Variants in HCN1 observed in about 807,000 individuals in gnomAD.
HCN1 encodes the protein potassium/sodium hyperpolarization-activated cyclic nucleotide-gated channel 1.
In HCN1, 13 loss-of-function variants were observed where a neutral mutation model predicts 78.9. The ratio of observed to expected loss-of-function variants is 0.16; its 90% CI spans 0.11 to 0.26. The LOEUF (loss-of-function observed/expected upper bound fraction) is 0.26. HCN1 is among the 10% of genes least tolerant of loss of function. The pLI is 1.00. For synonymous variants in HCN1, 552 were observed against 455.5 expected (o/e 1.21, Z -2.70); for missense variants, 810 against 1,154.3 (o/e 0.70, Z 4.32).
intron 2 of HCN1, among the ~76,000 whole-genome samples, chr5:45,590,650 C>T (rs555882535): frequency 1.3e-5 from 2 of 152,250 alleles, no homozygotes; most frequent in South Asian, 4.1e-4. Context: ...CCCTCCCTCC[C>T]ACAAACCTGT....
intron 6 of HCN1, among the ~76,000 whole-genome samples, chr5:45,287,702 C>T (rs1206306477): frequency 6.6e-6 from 1 of 151,918 alleles, no homozygotes; most frequent in African/African-American, 2.4e-5. Flanking sequence ...ACTTCCCCAC[C>T]ATCAGACACA....
intron 2 of HCN1, among the ~76,000 whole-genome samples, chr5:45,585,420 GC>G (rs1744192062): frequency 6.6e-6 from 1 of 152,044 alleles, no homozygotes; most frequent in African/African-American, 2.4e-5. Flanking sequence ...ATTCTAGTTA[GC>G]CATTCGTCTA....
chr5:45,321,611 T>G (rs1235786685), intron 5 of HCN1, among the ~76,000 whole-genome samples: 1 of 150,208 alleles, frequency 6.7e-6, no homozygotes. Flanking sequence ...ATTTTGCCCA[T>G]TGGAGACTAA....
At chr5:45,570,788 T>C (rs1210131367) in intron 2 of HCN1, among the ~76,000 whole-genome samples, 1 of 152,130 alleles carries the variant, frequency 6.6e-6, no homozygotes, top group Non-Finnish European at 1.5e-5. Flanking sequence ...AATTCCTTAT[T>C]ATTACCCTCA....
chr5:45,569,664 C>A (rs1409247751), intron 2 of HCN1, among the ~76,000 whole-genome samples: 2 of 151,968 alleles, frequency 1.3e-5, no homozygotes, highest in Admixed American at 6.6e-5. Context: ...TATTCCCAGT[C>A]TTTATCTGTT....
Position 45,695,934 on chromosome 5 carries a change from C to G in HCN1, c.160G>C (p.Gly54Arg), listed in dbSNP as rs1245405853. 77 of 1,420,712 alleles carry G rather than the reference C, an allele frequency of 5.4e-5. No homozygotes were observed. The highest frequency in any genetic ancestry group is 6.9e-5 in the Non-Finnish European group (76 of 1,096,770). The allele number at this position is 1,420,712 out of a possible 1,614,324, so 88.0% of individuals were successfully genotyped here. A position where few individuals can be genotyped will look rare whatever the true frequency, so the allele number is the denominator to read the frequency against. Residue 54 changes from glycine (G) to arginine (R), a missense_variant, in exon 1 of 8, where the codon GGC becomes CGC. Gly to Arg is a moderately radical substitution (Grantham distance 125, BLOSUM62 -2). Around this residue, in one of 6 missense-constraint regions of HCN1, gnomAD observed 170 missense variants for 166.8 expected, o/e 1.02. Coordinates refer to ENST00000303230, the MANE Select transcript of HCN1 (RefSeq NM_021072.4). ...GGGGAGAKEH[G>R]NSVCFKVDGG... ...TCCACCTTGAAGCACACGGAGTTGCCGTGCTCCTTCGCGCCGGCCCCGCCG... is the reference window on the plus strand; with the variant it reads ...TCCACCTTGAAGCACACGGAGTTGCGGTGCTCCTTCGCGCCGGCCCCGCCG...
At chr5:45,506,486 C>CTCT (rs1384344834) in intron 2 of HCN1, among the ~76,000 whole-genome samples, 9 of 152,068 alleles carry the variant, frequency 5.9e-5, no homozygotes, top group Non-Finnish European at 1.0e-4. Flanking sequence ...ATGTCTGTAC[C>CTCT]TCTGTTTTCT....
At chr5:45,341,233 C>A (rs1010410351) in intron 5 of HCN1, among the ~76,000 whole-genome samples, 5 of 152,162 alleles carry the variant, frequency 3.3e-5, no homozygotes, top group African/African-American at 1.2e-4. Context: ...AGATCATCTG[C>A]ATCAATTTGC....
At chr5:45,664,949 G>A (rs1746005402) in intron 1 of HCN1, among the ~76,000 whole-genome samples, 1 of 151,782 alleles carries the variant, frequency 6.6e-6, no homozygotes, top group African/African-American at 2.4e-5. Flanking sequence ...CCATTACTGG[G>A]TATATACCCA....
chr5:45,489,902 G>A (rs1170249512), intron 2 of HCN1, among the ~76,000 whole-genome samples: 2 of 152,164 alleles, frequency 1.3e-5, no homozygotes, highest in East Asian at 1.9e-4. Flanking sequence ...GGGATGTCAG[G>A]TTTAGCAAAT....
chr5:45,259,729 C>A lies in HCN1; in HGVS notation c.*2192G>T, dbSNP rs543222928. The A allele has an allele frequency of 1.3e-5, 2 of 151,850 alleles. No individual in the cohort carries two copies. Among genetic ancestry groups the A allele is most frequent in the South Asian group, 4.2e-4 (2 of 4,806 alleles). 9.4% of individuals were successfully genotyped at this position (151,850 alleles called of 1,614,324 possible). A position where few individuals can be genotyped will look rare whatever the true frequency, so the allele number is the denominator to read the frequency against. On this transcript the variant is annotated 3_prime_UTR_variant, in exon 8 of 8. Transcript: ENST00000303230. ...CCCAATAGTGCTCAAAATAAAAAAC[C>A]AAAAATTTATATATATAAAAATATT...
intron 2 of HCN1, among the ~76,000 whole-genome samples, chr5:45,520,524 T>C (rs1025843952): frequency 2.6e-5 from 4 of 152,042 alleles, no homozygotes; most frequent in African/African-American, 9.7e-5. Context: ...TTGCAAATTA[T>C]AATATTTCAT....
chr5:45,504,437 T>C (rs2111741378), intron 2 of HCN1, among the ~76,000 whole-genome samples: 1 of 152,336 alleles, frequency 6.6e-6, no homozygotes, highest in East Asian at 1.9e-4. Flanking sequence ...ACTCATCCTT[T>C]TTTTTGGCTG....
At chr5:45,287,272 C>T (rs1377769320) in intron 6 of HCN1, among the ~76,000 whole-genome samples, 2 of 151,712 alleles carry the variant, frequency 1.3e-5, no homozygotes, top group East Asian at 1.9e-4. Context: ...TCACCACCAA[C>T]CTCTAGGCTC....
At chr5:45,377,782 A>G (rs1747714667) in intron 4 of HCN1, among the ~76,000 whole-genome samples, 1 of 152,010 alleles carries the variant, frequency 6.6e-6, no homozygotes, top group Admixed American at 6.6e-5. Context: ...GACTATAACA[A>G]ATTGGGTTGT....
intron 1 of HCN1, 104 bp from the exon 2 acceptor site, chr5:45,645,712 A>C (rs1168533056): frequency 1.6e-6 from 1 of 629,140 alleles, no homozygotes; most frequent in African/African-American, 1.8e-5. Flanking sequence ...TAAGTAAAAG[A>C]ACAAAGAAAT....
chr5:45,527,702 G>C (rs1253139502), intron 2 of HCN1, among the ~76,000 whole-genome samples: 1 of 151,672 alleles, frequency 6.6e-6, no homozygotes, highest in African/African-American at 2.4e-5. Flanking sequence ...TTTGAGCCCA[G>C]AAACTTCCTT....
At chr5:45,538,337 C>A (rs1341920886) in intron 2 of HCN1, among the ~76,000 whole-genome samples, 1 of 152,106 alleles carries the variant, frequency 6.6e-6, no homozygotes, top group African/African-American at 2.4e-5. Flanking sequence ...TTAAAATATC[C>A]TCTCTATCCA....
chr5:45,420,589 C>A (rs1740207167), intron 3 of HCN1, among the ~76,000 whole-genome samples: 1 of 152,088 alleles, frequency 6.6e-6, no homozygotes, highest in Non-Finnish European at 1.5e-5. Flanking sequence ...GCATGCCAGC[C>A]TTGGGTGGTC....
Sources: allele counts gnomAD v4.1 joint callset (sites outside exome capture counted in the v4.1 genomes callset), GRCh38; gene constraint gnomAD v4.1.1; regional missense constraint gnomAD v4.1.1; transcripts MANE v1.5; gene names NCBI Gene and HGNC (gene_info 2026-07-23, HGNC 2026-07-21).